Variants in PPP4R3A observed in about 807,000 individuals in gnomAD.
PPP4R3A encodes serine/threonine-protein phosphatase 4 regulatory subunit 3A.
Under a neutral mutation model 91.7 loss-of-function variants are expected in PPP4R3A, and 15 were observed. The ratio of observed to expected loss-of-function variants is 0.16; its 90% CI spans 0.11 to 0.25. PPP4R3A has a LOEUF of 0.25. Ranked by LOEUF, PPP4R3A falls within the 10% of genes least tolerant of loss-of-function variation. The pLI is 1.00. For synonymous variants in PPP4R3A, 377 were observed against 348.7 expected (o/e 1.08, Z -0.91); for missense variants, 623 against 998.4 (o/e 0.62, Z 5.07).
At chr14:91,482,254 C>G in intron 3 of PPP4R3A, 61 bp from the exon 4 acceptor site, 1 of 1,495,284 alleles carries the variant, frequency 6.7e-7, no homozygotes, top group African/African-American at 1.4e-5. Context: ...AACCTAAATG[C>G]TACTCTAAGA....
intron 14 of PPP4R3A, among the ~76,000 whole-genome samples, chr14:91,461,162 G>T (rs1053885087): frequency 6.6e-6 from 1 of 152,162 alleles, no homozygotes; most frequent in South Asian, 2.1e-4. Flanking sequence ...ACCCAAGTGA[G>T]AATTCACACT....
chr14:91,466,961 A>ACACACACACACACACC (rs1212868050), intron 10 of PPP4R3A, among the ~76,000 whole-genome samples: 22 of 151,758 alleles, frequency 1.4e-4, no homozygotes, highest in African/African-American at 4.8e-4. Context: ...ACACACACAC[A>ACACACACACACACACC]CACCCCTCTT....
intron 9 of PPP4R3A, among the ~76,000 whole-genome samples, chr14:91,471,790 G>A (rs955650658): frequency 1.3e-5 from 2 of 152,066 alleles, no homozygotes; most frequent in Admixed American, 6.6e-5. Flanking sequence ...AAGGCTGGGC[G>A]TGGTGGCTCA....
chr14:91,472,632 ATT>A (rs1383955905), intron 9 of PPP4R3A, among the ~76,000 whole-genome samples: 1 of 151,316 alleles, frequency 6.6e-6, no homozygotes, highest in Non-Finnish European at 1.5e-5. Context: ...GCCCAGCTAA[ATT>A]TTTTTTGTAT....
At position 91,481,968 on chromosome 14, in the gene PPP4R3A, C is replaced by T; in HGVS notation, c.523G>A (p.Glu175Lys). ...AAATCTTCACACACATGAAAAAGCT[C>T]CAGGAGCTTTTTAATATAACCCTCA... ...ENEGYIKKLL[E>K]LFHVCEDLEN... Residue 175 changes from glutamate to lysine, a missense_variant, in exon 4 of 15, where the codon GAG becomes AAG. Coordinates refer to ENST00000554943, the MANE Select transcript of PPP4R3A (RefSeq NM_001366432.2). 1 of 1,614,036 alleles carries T rather than the reference C, an allele frequency of 6.2e-7. No individual in the cohort carries two copies. The highest frequency in any genetic ancestry group is 1.6e-4 in the Middle Eastern group (1 of 6,062).
chr14:91,485,663 C>A lies in PPP4R3A; in HGVS notation c.266G>T (p.Gly89Val), dbSNP rs759120978. The change falls in exon 3 of 15, where the codon GGA becomes GTA. Residue 89 changes from glycine to valine, a missense_variant. By Grantham distance (109) the Gly-to-Val change is moderately radical. This residue lies in a region of PPP4R3A where 20 missense variants were observed against 75.6 expected (regional missense o/e 0.26). Coordinates refer to ENST00000554943, the MANE Select transcript of PPP4R3A (RefSeq NM_001366432.2). Reference sequence around the variant, plus strand: ...TATTTTCTCCCAAATTTCATCACATCCAGCTTTTTCTTGAAAGCTAAGGGC... The same window carrying A: ...TATTTTCTCCCAAATTTCATCACATACAGCTTTTTCTTGAAAGCTAAGGGC... ...DLALSFQEKA[G>V]CDEIWEKICQ... is the part of the protein sequence containing the mutation. 1.9e-6 allele frequency: 3 copies of A among 1,607,198 alleles called. No individual in the cohort carries two copies. The highest frequency in any genetic ancestry group is 2.5e-6 in the Non-Finnish European group (3 of 1,179,752).
intron 10 of PPP4R3A, among the ~76,000 whole-genome samples, chr14:91,466,942 C>CACACACACACA (rs1555434440): frequency 2.7e-5 from 4 of 150,600 alleles, no homozygotes; most frequent in African/African-American, 9.7e-5. Flanking sequence ...CCTACCATAA[C>CACACACACACA]ACACACACAC....
At chr14:91,474,986 G>A (rs1168999053) in intron 7 of PPP4R3A, 1 of 151,820 alleles carries the variant, frequency 6.6e-6, no homozygotes, top group African/African-American at 2.4e-5. Flanking sequence ...CATTAAATAG[G>A]ATCTTTTCAA....
chr14:91,492,524 A>C (rs1890286414), intron 1 of PPP4R3A, among the ~76,000 whole-genome samples: 1 of 152,208 alleles, frequency 6.6e-6, no homozygotes, highest in Admixed American at 6.5e-5. Context: ...AGTTATGATA[A>C]CTCAATTTGT....
chr14:91,465,510 A>G, intron 10 of PPP4R3A, 91 bp from the exon 11 acceptor site: 1 of 1,091,172 alleles, frequency 9.2e-7, no homozygotes, highest in Non-Finnish European at 1.3e-6. Context: ...ACCAAAAAAA[A>G]CTGTTTAACA....
At chr14:91,461,690 T>G in intron 13 of PPP4R3A, 83 bp from the exon 14 acceptor site, 1 of 1,333,574 alleles carries the variant, frequency 7.5e-7, no homozygotes, top group South Asian at 1.4e-5. Context: ...AAAACACATT[T>G]AACTAGCTTA....
At chr14:91,471,212 T>C (rs939491999) in intron 9 of PPP4R3A, among the ~76,000 whole-genome samples, 10 of 152,198 alleles carry the variant, frequency 6.6e-5, no homozygotes, top group African/African-American at 2.4e-4. Context: ...TAAGAAACTG[T>C]TTCACATTAT....
rs745576173 is a variant in PPP4R3A at position 91,476,542 on chromosome 14, G to A, written c.994-18C>T. On this transcript the variant is annotated intron_variant, in intron 5 of 14. Coordinates refer to ENST00000554943, the MANE Select transcript of PPP4R3A (RefSeq NM_001366432.2). ...AAGTTAACCTGAAATTAGAAAAAAG[G>A]ATAAGTGATATAAAAAGTTTATTTT... 55 of 1,463,562 alleles carry A rather than the reference G, an allele frequency of 3.8e-5. No homozygotes were observed. In the Admixed American group the frequency reaches 1.1e-3, roughly 29 times the overall value. The allele number at this position is 1,463,562 out of a possible 1,614,324, so 90.7% of individuals were successfully genotyped here. A position where few individuals can be genotyped will look rare whatever the true frequency, so the allele number is the denominator to read the frequency against.
intron 1 of PPP4R3A, among the ~76,000 whole-genome samples, chr14:91,493,011 A>C (rs1036868660): frequency 6.6e-6 from 1 of 152,240 alleles, no homozygotes; most frequent in African/African-American, 2.4e-5. Flanking sequence ...GGATCGCCTG[A>C]GGCCAGGAGT....
At chr14:91,472,622 G>A (rs939924742) in intron 9 of PPP4R3A, among the ~76,000 whole-genome samples, 1 of 151,748 alleles carries the variant, frequency 6.6e-6, no homozygotes, top group Non-Finnish European at 1.5e-5. Context: ...CTGCCACCAC[G>A]CCCAGCTAAA....
chr14:91,506,185 G>C (rs1339844200), intron 1 of PPP4R3A, among the ~76,000 whole-genome samples: 4 of 152,174 alleles, frequency 2.6e-5, no homozygotes, highest in Non-Finnish European at 5.9e-5. Context: ...CTGACCTTGT[G>C]ATCTGCCCGC....
Position 91,457,737 on chromosome 14 carries a change from T to C in PPP4R3A, c.*1022A>G, listed in dbSNP as rs1195684152. The C allele has an allele frequency of 6.5e-6, 1 of 152,676 alleles. No individual in the cohort carries two copies. The highest frequency in any genetic ancestry group is 1.5e-5 in the Non-Finnish European group (1 of 68,032). 9.5% of individuals were successfully genotyped at this position (152,676 alleles called of 1,614,324 possible). A position where few individuals can be genotyped will look rare whatever the true frequency, so the allele number is the denominator to read the frequency against. The stretch of plus-strand genomic sequence containing the variant: ...AAGAAATTTCAGAATCTCTTTGGAA[T>C]ACTAATTTCATGTTTCTAGATTTAA... On this transcript the variant is annotated 3_prime_UTR_variant, in exon 15 of 15. Transcript: ENST00000554943.
chr14:91,510,142 G>A lies in PPP4R3A; in HGVS notation c.-495C>T, dbSNP rs373550166. On this transcript the variant is annotated 5_prime_UTR_variant, in exon 1 of 15. Transcript: ENST00000554943. ...TGTTTTAAACGTCAGAAGCCGACAG[G>A]CGCCTGATCCTGCTGCAACTGCTAC... The A allele has an allele frequency of 1.2e-4, 21 of 169,382 alleles. 1 individual carries two copies. The highest frequency in any genetic ancestry group is 6.9e-4 in the South Asian group (4 of 5,772). The allele number at this position is 169,382 out of a possible 1,614,324, so 10.5% of individuals were successfully genotyped here. A position where few individuals can be genotyped will look rare whatever the true frequency, so the allele number is the denominator to read the frequency against.
rs139615837 is a variant in PPP4R3A at position 91,475,974 on chromosome 14, C to CA, written c.1111-9dup. ...CTGTGTATCATCCATGCCCTGCAGA[C>CA]AAAAAACATTTATTTTTCCTGTATT... On this transcript the variant is annotated splice_polypyrimidine_tract_variant and intron_variant, in intron 6 of 14. Transcript: ENST00000554943. The CA allele has an allele frequency of 0.47, 709,425 of 1,519,378 alleles. 168,565 individuals are homozygous for CA. Among genetic ancestry groups the CA allele is most frequent in the Admixed American group, 0.56 (22,493 of 40,520 alleles). The allele number at this position is 1,519,378 out of a possible 1,614,324, so 94.1% of individuals were successfully genotyped here.
Sources: gnomAD v4.1 joint callset for allele counts (sites outside exome capture counted in the v4.1 genomes callset) on GRCh38, gnomAD v4.1.1 for gene constraint, gnomAD v4.1.1 regional missense constraint, MANE v1.5 for transcripts, NCBI Gene and HGNC (gene_info 2026-07-23, HGNC 2026-07-21) for gene names.